PLGRKT: variants seen among roughly 807,000 people sequenced by gnomAD.
PLGRKT encodes plasminogen receptor (KT).
In PLGRKT, 22 loss-of-function variants were observed where a neutral mutation model predicts 18.5. That is an observed-to-expected ratio of 1.19 (90% CI 0.85 to 1.70). The LOEUF (loss-of-function observed/expected upper bound fraction) is 1.70, where lower values mean the gene tolerates loss of function less well. Ranked by LOEUF, PLGRKT falls within the 40% of genes most tolerant of loss-of-function variation. The pLI, the probability that PLGRKT is intolerant of heterozygous loss-of-function variation, is 0.00. For synonymous variants in PLGRKT, 72 were observed against 52.8 expected (o/e 1.36, Z -1.58); for missense variants, 235 against 174.4 (o/e 1.35, Z -1.96).
chr9:5,358,103 A>G lies in PLGRKT; in HGVS notation c.*136T>C. 1 of 588,622 alleles carries G rather than the reference A, an allele frequency of 1.7e-6. No homozygotes were observed. Among genetic ancestry groups the G allele is most frequent in the Non-Finnish European group, 2.8e-6 (1 of 359,062 alleles). 36.5% of individuals were successfully genotyped at this position (588,622 alleles called of 1,614,324 possible). A position where few individuals can be genotyped will look rare whatever the true frequency, so the allele number is the denominator to read the frequency against. On this transcript the variant is annotated 3_prime_UTR_variant, in exon 6 of 6. Coordinates refer to ENST00000223864, the MANE Select transcript of PLGRKT (RefSeq NM_018465.4). ...AATGTTATAAATTTTATTTTAAAATAGCTCAAAACTATCTTGCATTTTAAT... is the reference window on the plus strand; with the variant it reads ...AATGTTATAAATTTTATTTTAAAATGGCTCAAAACTATCTTGCATTTTAAT...
intron 3 of PLGRKT, among the ~76,000 whole-genome samples, chr9:5,371,695 C>T (rs1455079763): frequency 6.6e-6 from 1 of 152,090 alleles, no homozygotes; most frequent in African/African-American, 2.4e-5. Context: ...GTCACAGCTC[C>T]TAACAGTGTC....
intron 3 of PLGRKT, 125 bp from the exon 4 acceptor site, chr9:5,362,013 C>A (rs1206882689): frequency 3.2e-6 from 3 of 929,518 alleles, no homozygotes; most frequent in African/African-American, 3.4e-5. Flanking sequence ...TCAAAAAAAT[C>A]TCAACAGACT....
intron 3 of PLGRKT, among the ~76,000 whole-genome samples, chr9:5,395,884 AAC>A (rs1818035125): frequency 7.4e-6 from 1 of 134,798 alleles, no homozygotes; most frequent in African/African-American, 3.1e-5. Flanking sequence ...CCTCTAACCT[AAC>A]AGTTTTTTTT....
intron 3 of PLGRKT, among the ~76,000 whole-genome samples, chr9:5,428,123 T>A (rs1455477538): frequency 1.3e-5 from 2 of 152,068 alleles, no homozygotes; most frequent in Non-Finnish European, 2.9e-5. Flanking sequence ...TCCCCAGAGC[T>A]GAAATAAATG....
chr9:5,402,666 G>A (rs377263430), intron 3 of PLGRKT, among the ~76,000 whole-genome samples: 3 of 151,950 alleles, frequency 2.0e-5, no homozygotes, highest in Admixed American at 6.5e-5. Flanking sequence ...TGGGCAGGTT[G>A]TGGTAGGACA....
intron 3 of PLGRKT, among the ~76,000 whole-genome samples, chr9:5,362,309 G>A (rs183764141): frequency 4.9e-4 from 75 of 152,282 alleles, no homozygotes; most frequent in African/African-American, 1.4e-3. Context: ...TTTATTTGGA[G>A]TATTTATTTG....
chr9:5,369,778 G>C (rs1351782425), intron 3 of PLGRKT, among the ~76,000 whole-genome samples: 1 of 152,204 alleles, frequency 6.6e-6, no homozygotes, highest in Non-Finnish European at 1.5e-5. Flanking sequence ...ATGAGTTCAT[G>C]TCCTTTGCAG....
At chr9:5,386,292 T>C (rs1255955295) in intron 3 of PLGRKT, among the ~76,000 whole-genome samples, 2 of 151,864 alleles carry the variant, frequency 1.3e-5, no homozygotes, top group Non-Finnish European at 2.9e-5. Flanking sequence ...GGTCAAGAAC[T>C]TAAGTACAGG....
At chr9:5,402,874 T>A (rs1353383222) in intron 3 of PLGRKT, among the ~76,000 whole-genome samples, 1 of 151,922 alleles carries the variant, frequency 6.6e-6, no homozygotes, top group East Asian at 1.9e-4. Flanking sequence ...CAGAATTAGT[T>A]GTAAAGTAAA....
At chr9:5,370,466 C>T (rs1043950735) in intron 3 of PLGRKT, among the ~76,000 whole-genome samples, 1 of 152,252 alleles carries the variant, frequency 6.6e-6, no homozygotes, top group African/African-American at 2.4e-5. Context: ...TGGAGCCTTC[C>T]CTATTTTTGA....
intron 3 of PLGRKT, among the ~76,000 whole-genome samples, chr9:5,389,692 T>G (rs1344176807): frequency 6.6e-6 from 1 of 151,804 alleles, no homozygotes; most frequent in Non-Finnish European, 1.5e-5. Context: ...GGGCTGGGAA[T>G]TTTCTAGGTG....
At chr9:5,425,817 T>C (rs1818686717) in intron 3 of PLGRKT, among the ~76,000 whole-genome samples, 2 of 152,076 alleles carry the variant, frequency 1.3e-5, no homozygotes, top group South Asian at 2.1e-4. Context: ...TAACACAAAA[T>C]TACTGAGCTG....
intron 3 of PLGRKT, among the ~76,000 whole-genome samples, chr9:5,417,788 T>C (rs996089581): frequency 2.4e-4 from 36 of 152,042 alleles, no homozygotes; most frequent in Admixed American, 2.2e-3. Context: ...TTGGAGACAG[T>C]TGTTAAAATA....
chr9:5,426,320 T>C (rs1479518946), intron 3 of PLGRKT, among the ~76,000 whole-genome samples: 1 of 152,188 alleles, frequency 6.6e-6, no homozygotes, highest in Non-Finnish European at 1.5e-5. Flanking sequence ...ATATACTCTG[T>C]GGTATATATC....
intron 3 of PLGRKT, among the ~76,000 whole-genome samples, chr9:5,384,135 C>T (rs1563773837): frequency 6.6e-6 from 1 of 152,142 alleles, no homozygotes; most frequent in Non-Finnish European, 1.5e-5. Flanking sequence ...TGAGAACTTC[C>T]AGCATATATC....
chr9:5,438,356 G>C (rs1438259555), upstream of PLGRKT, among the ~76,000 whole-genome samples: 1 of 152,188 alleles, frequency 6.6e-6, no homozygotes, highest in African/African-American at 2.4e-5. Flanking sequence ...TTGGCACTCT[G>C]TTCTTTGCTA....
chr9:5,435,721 G>C (rs1023855499), intron 2 of PLGRKT, among the ~76,000 whole-genome samples: 1 of 152,212 alleles, frequency 6.6e-6, no homozygotes, highest in Non-Finnish European at 1.5e-5. Context: ...GCAAAACTCA[G>C]GGGAAAGTTA....
intron 3 of PLGRKT, among the ~76,000 whole-genome samples, chr9:5,430,368 T>C (rs1196132039): frequency 6.6e-6 from 1 of 152,230 alleles, no homozygotes; most frequent in East Asian, 1.9e-4. Context: ...AACCTAATAC[T>C]TGGTCTCGCC....
At chr9:5,378,098 G>C (rs1358274336) in intron 3 of PLGRKT, among the ~76,000 whole-genome samples, 1 of 152,140 alleles carries the variant, frequency 6.6e-6, no homozygotes. Context: ...GAAAATCCAT[G>C]CCAGCTCCTC....
Sources: allele counts gnomAD v4.1 joint callset (sites outside exome capture counted in the v4.1 genomes callset), GRCh38; gene constraint gnomAD v4.1.1; transcripts MANE v1.5; gene names NCBI Gene and HGNC (gene_info 2026-07-23, HGNC 2026-07-21).